Variants in TMEM213 observed in about 807,000 individuals in gnomAD.
TMEM213 encodes the protein transmembrane protein 213.
TMEM213 carries 7 observed loss-of-function variants against 11.6 expected under a neutral mutation model. The observed-to-expected ratio is 0.60, with a 90% CI of 0.34 to 1.13. The LOEUF is 1.13. TMEM213 is among the 50% of genes most tolerant of loss of function. The pLI, the probability that TMEM213 is intolerant of heterozygous loss-of-function variation, is 0.03. For missense variants in TMEM213, 129 were observed against 139.0 expected (o/e 0.93, Z 0.36); for synonymous variants, 60 against 58.3 (o/e 1.03, Z -0.13).
In TMEM213 at chr7:138,802,282, G is replaced by T. The variant is rs188381971; in HGVS notation, c.155-618G>T. 2.2e-3 allele frequency among the ~76,000 whole-genome samples: 342 copies of T among 152,318 alleles called. 8 individuals carry two copies. In the South Asian group the frequency reaches 0.044, roughly 20 times the overall value. ...AACGAAGGATAGGCTGGGCGTGGTG[G>T]CTCATGCCTGTAATACCAGCACTTT... On this transcript the variant is annotated intron_variant, in intron 2 of 2. Coordinates refer to ENST00000442682, the MANE Select transcript of TMEM213 (RefSeq NM_001085429.2).
At position 138,805,191 on chromosome 7, in the gene TMEM213, A is replaced by G; in HGVS notation, c.*2122A>G. 1 of 149,876 alleles carries G rather than the reference A, an allele frequency of 6.7e-6. No individual in the cohort carries two copies. The highest frequency in any genetic ancestry group is 6.7e-5 in the Admixed American group (1 of 14,966). 9.3% of individuals were successfully genotyped at this position (149,876 alleles called of 1,614,324 possible). On this transcript the variant is annotated 3_prime_UTR_variant, in exon 3 of 3. Transcript: ENST00000442682. Reference sequence around the variant, plus strand: ...TGTTAAATGATCACATACATAAAAGAGTCTGAGCCTGAGCAACATAATGAG... The same window carrying G: ...TGTTAAATGATCACATACATAAAAGGGTCTGAGCCTGAGCAACATAATGAG...
rs1809050409 is a variant in TMEM213, at chr7:138,804,852, G to T, written c.*1783G>T. The T allele has an allele frequency of 6.6e-6, 1 of 152,180 alleles. No homozygotes were observed. The highest frequency in any genetic ancestry group is 2.4e-5 in the African/African-American group (1 of 41,444). The allele number at this position is 152,180 out of a possible 1,614,324, so 9.4% of individuals were successfully genotyped here. ...AGAGGAGGAGAGGGCAGGTTCATCAGAAGAAAGAAAGGACAAAATGACTCC... is the reference window on the plus strand; with the variant it reads ...AGAGGAGGAGAGGGCAGGTTCATCATAAGAAAGAAAGGACAAAATGACTCC... On this transcript the variant is annotated 3_prime_UTR_variant, in exon 3 of 3. Coordinates refer to ENST00000442682, the MANE Select transcript of TMEM213 (RefSeq NM_001085429.2).
chr7:138,798,290 G>C, intron 1 of TMEM213, 104 bp downstream of exon 1: 1 of 1,074,018 alleles, frequency 9.3e-7, no homozygotes. Context: ...CTTTGGCCAG[G>C]GTTGGTCCTG....
Position 138,801,223 on chromosome 7 carries a change from T to C in TMEM213, c.83-104T>C, listed in dbSNP as rs1808933087. On this transcript the variant is annotated intron_variant, in intron 1 of 2. Transcript: ENST00000442682. ...TATGCCCATGCGGGAGCTTCTATAA[T>C]ACTTTCATAATACTCACTACTGATT... 6 of 1,073,802 alleles carry C rather than the reference T, an allele frequency of 5.6e-6. No individual in the cohort carries two copies. In the South Asian group the frequency reaches 6.8e-5, roughly 12 times the overall value. 66.5% of individuals were successfully genotyped at this position (1,073,802 alleles called of 1,614,324 possible).
At position 138,803,266 on chromosome 7, in the gene TMEM213, C is replaced by T; in HGVS notation, c.*197C>T. The T allele has an allele frequency of 1.6e-6, 1 of 641,684 alleles. No homozygotes were observed. Among genetic ancestry groups the T allele is most frequent in the Non-Finnish European group, 2.6e-6 (1 of 389,838 alleles). The allele number at this position is 641,684 out of a possible 1,614,324, so 39.7% of individuals were successfully genotyped here. On this transcript the variant is annotated 3_prime_UTR_variant, in exon 3 of 3. Coordinates refer to ENST00000442682, the MANE Select transcript of TMEM213 (RefSeq NM_001085429.2). ...TGCCCTTGCATGTCACTCCCAAGGG[C>T]CCCTGGGCTGTGCCCAGGTAACTCC...
intron 1 of TMEM213, among the ~76,000 whole-genome samples, chr7:138,800,685 T>C (rs930232125): frequency 2.4e-5 from 2 of 84,324 alleles, no homozygotes; most frequent in African/African-American, 8.5e-5. Flanking sequence ...TGTTTCTTCT[T>C]CTTCTTCTTC....
chr7:138,798,415 A>C, intron 1 of TMEM213: 2 of 554,074 alleles, frequency 3.6e-6, no homozygotes, highest in Non-Finnish European at 3.2e-6. Context: ...CAGATACTCA[A>C]TTCCTCAGCT....
chr7:138,800,114 G>A (rs1808882217), intron 1 of TMEM213, among the ~76,000 whole-genome samples: 1 of 152,006 alleles, frequency 6.6e-6, no homozygotes, highest in African/African-American at 2.4e-5. Flanking sequence ...CATGAGCACT[G>A]TCTAATAATA....
intron 1 of TMEM213, chr7:138,799,440 G>A (rs1027927352): frequency 1.3e-5 from 2 of 152,110 alleles, no homozygotes; most frequent in African/African-American, 4.8e-5. Flanking sequence ...TCCCTCCCTC[G>A]CTTCTGGCTC....
At chr7:138,800,359 GGA>G (rs1254235807) in intron 1 of TMEM213, among the ~76,000 whole-genome samples, 5 of 152,150 alleles carry the variant, frequency 3.3e-5, no homozygotes, top group African/African-American at 1.2e-4. Context: ...GTTATGGACA[GGA>G]ACCTGGATGC....
Position 138,805,447 on chromosome 7 carries a change from T to C in TMEM213, c.*2378T>C, listed in dbSNP as rs1282830887. 6.6e-6 allele frequency: 1 copy of C among 151,168 alleles called. No individual in the cohort carries two copies. The highest frequency in any genetic ancestry group is 1.5e-5 in the Non-Finnish European group (1 of 67,966). The allele number at this position is 151,168 out of a possible 1,614,324, so 9.4% of individuals were successfully genotyped here. ...TAATTCCTGGTGCATTTTGTGGATATACAATATGAGTATGTGTTCCATGTT... is the reference window on the plus strand; with the variant it reads ...TAATTCCTGGTGCATTTTGTGGATACACAATATGAGTATGTGTTCCATGTT... On this transcript the variant is annotated 3_prime_UTR_variant, in exon 3 of 3. Transcript: ENST00000442682.
At chr7:138,802,039 G>C (rs140610313) in intron 2 of TMEM213, among the ~76,000 whole-genome samples, 1 of 152,056 alleles carries the variant, frequency 6.6e-6, no homozygotes, top group Non-Finnish European at 1.5e-5. Context: ...GGTGGCATGC[G>C]CCTGTAGTGC....
rs73168906 is a variant in TMEM213 at position 138,803,183 on chromosome 7, G to A, written c.*114G>A. The A allele has an allele frequency of 7.6e-6, 10 of 1,311,996 alleles. No individual in the cohort carries two copies. The highest frequency in any genetic ancestry group is 1.0e-5 in the Non-Finnish European group (10 of 964,862). The allele number at this position is 1,311,996 out of a possible 1,614,324, so 81.3% of individuals were successfully genotyped here. A position where few individuals can be genotyped will look rare whatever the true frequency, so the allele number is the denominator to read the frequency against. ...AAGTCATTTTCACCTTTAAGCTTCA[G>A]TTACTTTTACAAGGGAAAGAAGAAA... On this transcript the variant is annotated 3_prime_UTR_variant, in exon 3 of 3. Transcript: ENST00000442682.
intron 2 of TMEM213, chr7:138,801,682 T>C (rs6965943): frequency 0.51 from 217,423 of 427,644 alleles, 56,577 homozygotes; most frequent in East Asian, 0.72. Flanking sequence ...CTTGAAGAAG[T>C]TTGGAGGTGG....
At chr7:138,799,953 T>C (rs1220951449) in intron 1 of TMEM213, among the ~76,000 whole-genome samples, 1 of 152,006 alleles carries the variant, frequency 6.6e-6, no homozygotes, top group Non-Finnish European at 1.5e-5. Flanking sequence ...AAGGACACAC[T>C]GACCCACAGC....
In TMEM213 at chr7:138,803,101, C is replaced by T. The variant is rs770971971; in HGVS notation, c.*32C>T. 6 of 1,603,764 alleles carry T rather than the reference C, an allele frequency of 3.7e-6. No homozygotes were observed. The highest frequency in any genetic ancestry group is 1.1e-5 in the South Asian group (1 of 89,594). On this transcript the variant is annotated 3_prime_UTR_variant, in exon 3 of 3. Coordinates refer to ENST00000442682, the MANE Select transcript of TMEM213 (RefSeq NM_001085429.2). The stretch of plus-strand genomic sequence containing the variant: ...GGCTCGGTGCACAAAATGGTGATCG[C>T]CACCAATTTGTGGCTAATGGGGAAG...
chr7:138,799,121 C>A (rs370266144), intron 1 of TMEM213, among the ~76,000 whole-genome samples: 17 of 152,172 alleles, frequency 1.1e-4, no homozygotes, highest in African/African-American at 4.1e-4. Flanking sequence ...CCTCTCTATG[C>A]CAAGTTTCCT....
Position 138,804,253 on chromosome 7 carries a change from T to A in TMEM213, c.*1184T>A, listed in dbSNP as rs1809038889. Reference sequence around the variant, plus strand: ...GTCAGTAGCTCCTAAGGACTAAAACTGTTCAGCCCAGCATTCAGCTCTTTG... The same window carrying A: ...GTCAGTAGCTCCTAAGGACTAAAACAGTTCAGCCCAGCATTCAGCTCTTTG... On this transcript the variant is annotated 3_prime_UTR_variant, in exon 3 of 3. Coordinates refer to ENST00000442682, the MANE Select transcript of TMEM213 (RefSeq NM_001085429.2). The A allele has an allele frequency of 6.6e-6, 1 of 152,358 alleles. No individual in the cohort carries two copies. 9.4% of individuals were successfully genotyped at this position (152,358 alleles called of 1,614,324 possible). A position where few individuals can be genotyped will look rare whatever the true frequency, so the allele number is the denominator to read the frequency against.
rs765295161 is a variant in TMEM213, at chr7:138,802,918, AAGCAGCCCGGTGCTGCCGC to A, written c.175_193del (p.Ala59GlnfsTer30). 3 of 1,584,172 alleles carry A rather than the reference AAGCAGCCCGGTGCTGCCGC, an allele frequency of 1.9e-6. No individual in the cohort carries two copies. The highest frequency in any genetic ancestry group is 2.6e-6 in the Non-Finnish European group (3 of 1,167,658). ...CCACCAGACGTGGACTTCTGCCCAC[AAGCAGCCCGGTGCTGCCGC>A]ACAGGAGTGGACGAGTACGGCTGGA... On this transcript the variant is annotated frameshift_variant, in exon 3 of 3. Coordinates refer to ENST00000442682, the MANE Select transcript of TMEM213 (RefSeq NM_001085429.2). LOFTEE classifies it high-confidence loss of function.
Sources: allele counts gnomAD v4.1 joint callset (sites outside exome capture counted in the v4.1 genomes callset), GRCh38; gene constraint gnomAD v4.1.1; transcripts MANE v1.5; gene names NCBI Gene and HGNC (gene_info 2026-07-23, HGNC 2026-07-21).